Variants in LETMD1 observed in about 807,000 individuals in gnomAD.
The protein encoded by LETMD1 is LETM1 domain containing 1, also known as LETM1 domain-containing protein 1.
LETMD1 carries 30 observed loss-of-function variants against 43.9 expected under a neutral mutation model. The ratio of observed to expected loss-of-function variants is 0.68; its 90% confidence interval spans 0.51 to 0.93. LETMD1 has a LOEUF of 0.93. Among genes scored for constraint, LETMD1 ranks in the 40% least tolerant of loss-of-function variants. The pLI is 0.00. For synonymous variants in LETMD1, 176 were observed against 163.1 expected (o/e 1.08, Z -0.60); for missense variants, 413 against 447.7 (o/e 0.92, Z 0.70).
chr12:51,049,721 T>C (rs1209475882), intron 2 of LETMD1, among the ~76,000 whole-genome samples: 2 of 152,208 alleles, frequency 1.3e-5, no homozygotes, highest in Admixed American at 1.3e-4. Context: ...CTGATTCAAA[T>C]CCCAGTTCGT....
chr12:51,066,032 ACAAGGGGCCAGG>A, the LETMD1 span, among the ~76,000 whole-genome samples: 16 of 152,218 alleles, frequency 1.1e-4, no homozygotes, highest in African/African-American at 3.9e-4. Context: ...CAGAGGGCCA[ACAAGGGGCCAGG>A]CACGGTGGCT....
chr12:51,051,369 A>C (rs1469642206), intron 2 of LETMD1, among the ~76,000 whole-genome samples: 1 of 151,734 alleles, frequency 6.6e-6, no homozygotes, highest in Non-Finnish European at 1.5e-5. Flanking sequence ...GCGCCACTGC[A>C]CTCCAGCCTG....
chr12:51,055,915 C>G lies in LETMD1; in HGVS notation c.554C>G (p.Ala185Gly), dbSNP rs749345258. 1.1e-5 allele frequency: 18 copies of G among 1,613,736 alleles called. No individual in the cohort carries two copies. In the South Asian group the frequency reaches 1.3e-4, roughly 12 times the overall value. ...ACTGATTTCTTAGATATCTATCATG[C>G]TTTCCGGAAGCAGTCCCACCCAGAA... ...QQTDFLDIYH[A>G]FRKQSHPEII... Residue 185 changes from alanine (A) to glycine (G), a missense_variant, in exon 5 of 9, where the codon GCT becomes GGT. Transcript: ENST00000262055.
downstream of LETMD1, chr12:51,063,767 TAAGG>T (rs754791827): frequency 6.4e-7 from 1 of 1,573,038 alleles, no homozygotes. Flanking sequence ...GAGGGAGTTC[TAAGG>T]AAGAATCTTC....
At chr12:51,061,231 C>T (rs948760810), downstream of LETMD1, 2 of 152,396 alleles carry the variant, frequency 1.3e-5, no homozygotes, top group South Asian at 4.2e-4. Flanking sequence ...TTTAATATTA[C>T]ATTTAAATAT....
At chr12:51,049,432 GT>G in intron 2 of LETMD1, 1 of 399,064 alleles carries the variant, frequency 2.5e-6, no homozygotes, top group Non-Finnish European at 4.5e-6. Context: ...GTATGTTCTC[GT>G]ACTTTCTTAA....
chr12:51,061,317 T>C (rs1948822211), downstream of LETMD1: 2 of 152,606 alleles, frequency 1.3e-5, no homozygotes, highest in Non-Finnish European at 1.5e-5. Flanking sequence ...CCAGACAAGC[T>C]TTGGATTCAC....
downstream of LETMD1, chr12:51,063,697 A>AT: frequency 1.4e-6 from 2 of 1,390,136 alleles, no homozygotes; most frequent in Non-Finnish European, 1.9e-6. Flanking sequence ...GTTAGATAAA[A>AT]TAAGGGAATA....
At chr12:51,065,182 C>A (rs1380530215), downstream of LETMD1, among the ~76,000 whole-genome samples, 2 of 152,138 alleles carry the variant, frequency 1.3e-5, no homozygotes, top group Non-Finnish European at 2.9e-5. Context: ...GGAAACTAAG[C>A]AAATGTGCCT....
rs1303021759 is a variant in LETMD1, at chr12:51,055,818, ATTCT to A, written c.474-12_474-9del. On this transcript the variant is annotated splice_polypyrimidine_tract_variant and intron_variant, in intron 4 of 8. Transcript: ENST00000262055. ...GCCAGTTTCAGCAAGTGAGTTTGTG[ATTCT>A]TTCTCCTTTCAGGTACCTGTTTCCC... The A allele has an allele frequency of 6.4e-7, 1 of 1,567,552 alleles. No homozygotes were observed. The highest frequency in any genetic ancestry group is 1.4e-5 in the African/African-American group (1 of 72,970).
rs188708111 is a variant in LETMD1, at chr12:51,052,022, G to C, written c.275-70G>C. 25 of 1,392,878 alleles carry C rather than the reference G, an allele frequency of 1.8e-5. 1 individual carries two copies. The Admixed American group carries it at 4.6e-4, about 26-fold the overall frequency. 86.3% of individuals were successfully genotyped at this position (1,392,878 alleles called of 1,614,324 possible). ...GAGTGTTTGCATGTGATTGAACATG[G>C]AGTAGGAAGCTGTGGTTAAGATTTA... On this transcript the variant is annotated intron_variant, in intron 2 of 8. Transcript: ENST00000262055.
At chr12:51,052,255 A>G in intron 3 of LETMD1, 48 bp downstream of exon 3, 1 of 1,601,488 alleles carries the variant, frequency 6.2e-7, no homozygotes, top group African/African-American at 1.3e-5. Context: ...AGGTAATTAC[A>G]TTTAATCAAG....
rs749812346 is a variant in LETMD1, at chr12:51,052,075, CTACTT to C, written c.275-14_275-10del. ...CTGGGATAACATCACACTCTGTCCT[CTACTT>C]TAATGAGGCAGGATTGCAGATGTTA... On this transcript the variant is annotated splice_polypyrimidine_tract_variant and intron_variant, in intron 2 of 8. Coordinates refer to ENST00000262055, the MANE Select transcript of LETMD1 (RefSeq NM_015416.5). 7 of 1,610,720 alleles carry C rather than the reference CTACTT, an allele frequency of 4.3e-6. No individual in the cohort carries two copies. Among genetic ancestry groups the C allele is most frequent in the Middle Eastern group, 1.6e-4 (1 of 6,062 alleles).
chr12:51,068,004 A>G, the LETMD1 span: 2 of 1,592,428 alleles, frequency 1.3e-6, no homozygotes, highest in Admixed American at 3.4e-5. Flanking sequence ...CCTCATAGAC[A>G]TGAGCGGCAT....
At chr12:51,048,554 C>T in intron 1 of LETMD1, 76 bp downstream of exon 1, 3 of 1,555,314 alleles carry the variant, frequency 1.9e-6, no homozygotes, top group Non-Finnish European at 2.6e-6. Context: ...TGCATTCTGT[C>T]TCTTAATTCT....
chr12:51,067,489 G>A, the LETMD1 span, among the ~76,000 whole-genome samples: 1,220 of 152,290 alleles, frequency 8.0e-3, 15 homozygotes, highest in African/African-American at 0.027. This position sits in a 1 kb window ranked among gnomAD's most constrained non-coding sequence, Gnocchi z 4.1. Flanking sequence ...TTAGAGGTGT[G>A]AGCCACCATG....
downstream of LETMD1, chr12:51,063,928 G>C (rs1162119937): frequency 1.2e-6 from 2 of 1,613,916 alleles, no homozygotes; most frequent in Non-Finnish European, 1.7e-6. Flanking sequence ...TCGGGCAATA[G>C]AGCTTCTAGG....
downstream of LETMD1, chr12:51,064,111 C>T (rs1398950468): frequency 6.2e-7 from 1 of 1,614,224 alleles, no homozygotes; most frequent in South Asian, 1.1e-5. Flanking sequence ...GGCCTCTGCT[C>T]CACTTGATAA....
the LETMD1 span, among the ~76,000 whole-genome samples, chr12:51,065,900 A>ATTGGTTGTGAGTGAGTGAGTGGTT: frequency 6.6e-6 from 1 of 152,170 alleles, no homozygotes; most frequent in Non-Finnish European, 1.5e-5. Context: ...AGAGTGAGTT[A>ATTGGTTGTGAGTGAGTGAGTGGTT]GGAGAAATCC....
Sources: gnomAD v4.1 joint callset for allele counts (sites outside exome capture counted in the v4.1 genomes callset) on GRCh38, gnomAD v4.1.1 for gene constraint, Gnocchi (gnomAD v3.1) non-coding constraint, MANE v1.5 for transcripts, NCBI Gene and HGNC (gene_info 2026-07-23, HGNC 2026-07-21) for gene names.